RGP1: variants seen among roughly 807,000 people sequenced by gnomAD.
RGP1 encodes the protein RGP1 partner of RAB6A GEF complex, also known as RAB6A-GEF complex partner protein 2.
A neutral mutation model predicts 44.5 loss-of-function variants in RGP1; 28 were observed. That is an observed-to-expected ratio of 0.63 (90% CI 0.47 to 0.86). The LOEUF (loss-of-function observed/expected upper bound fraction) is 0.86. Ranked by LOEUF, RGP1 falls within the 40% of genes least tolerant of loss-of-function variation. The pLI is 0.00. For missense variants in RGP1, 417 were observed against 490.7 expected (o/e 0.85, Z 1.42); for synonymous variants, 212 against 196.7 (o/e 1.08, Z -0.65).
the RGP1 span, among the ~76,000 whole-genome samples, chr9:35,777,133 T>C: frequency 6.4e-4 from 85 of 132,022 alleles, no homozygotes; most frequent in Admixed American, 2.6e-3. Context: ...TTTTCTTTTT[T>C]TTTTTTTTTT....
chr9:35,789,376 G>A, the RGP1 span, among the ~76,000 whole-genome samples: 45 of 147,428 alleles, frequency 3.1e-4, no homozygotes, highest in African/African-American at 1.1e-3. Flanking sequence ...TGTCACCCAG[G>A]CTGCCTCTAT....
Position 35,757,643 on chromosome 9 carries a change from C to CAGTG in RGP1, c.*4769_*4770insAGTG, listed in dbSNP as rs1350173675. ...GGCATCAGGTCTGTCCAGAGGCTGACGTAGACAGTGAAGGGTGAAGGGTAG... is the reference window on the plus strand; with the variant it reads ...GGCATCAGGTCTGTCCAGAGGCTGACAGTGGTAGACAGTGAAGGGTGAAGGGTAG... On this transcript the variant is annotated 3_prime_UTR_variant, in exon 9 of 9. Transcript: ENST00000378078. 1 of 152,236 alleles carries CAGTG rather than the reference C, an allele frequency of 6.6e-6. No individual in the cohort carries two copies. The highest frequency in any genetic ancestry group is 1.5e-5 in the Non-Finnish European group (1 of 68,100). The allele number at this position is 152,236 out of a possible 1,614,324, so 9.4% of individuals were successfully genotyped here.
the RGP1 span, among the ~76,000 whole-genome samples, chr9:35,773,628 A>G: frequency 6.6e-6 from 1 of 151,862 alleles, no homozygotes. Context: ...CAGCCTCCCA[A>G]GTAGCTGTGA....
the RGP1 span, among the ~76,000 whole-genome samples, chr9:35,778,127 C>G: frequency 6.6e-6 from 1 of 152,060 alleles, no homozygotes; most frequent in Non-Finnish European, 1.5e-5. Context: ...TGGAGAAACC[C>G]CGTCTCTACT....
the RGP1 span, among the ~76,000 whole-genome samples, chr9:35,766,998 G>T: frequency 5.3e-5 from 8 of 152,146 alleles, no homozygotes; most frequent in Non-Finnish European, 1.2e-4. Flanking sequence ...GAAAAATGTT[G>T]TTGCCTCTCT....
the RGP1 span, among the ~76,000 whole-genome samples, chr9:35,779,410 G>A: frequency 1.3e-5 from 2 of 152,244 alleles, no homozygotes; most frequent in African/African-American, 4.8e-5. Context: ...TGTTTAGACA[G>A]TGGATTTGTT....
the RGP1 span, among the ~76,000 whole-genome samples, chr9:35,789,883 G>A: frequency 2.6e-5 from 4 of 152,164 alleles, no homozygotes; most frequent in Non-Finnish European, 4.4e-5. Context: ...GGGGAGAGGA[G>A]CAAGTAAGGA....
chr9:35,781,368 G>T, the RGP1 span, among the ~76,000 whole-genome samples: 116 of 138,048 alleles, frequency 8.4e-4, no homozygotes, highest in Non-Finnish European at 1.5e-3. Flanking sequence ...GGGGCATTTT[G>T]GTCCGTGGTG....
In RGP1 at chr9:35,751,912, C is replaced by T. The variant is rs924720144; in HGVS notation, c.763-44C>T. ...TGAGGTTGGGCTGTCCTCTCACCTA[C>T]AGACAGCACTTCCTGTTAGCACACA... On this transcript the variant is annotated intron_variant, in intron 7 of 8. Coordinates refer to ENST00000378078, the MANE Select transcript of RGP1 (RefSeq NM_001080496.3). 5 of 1,556,216 alleles carry T rather than the reference C, an allele frequency of 3.2e-6. No homozygotes were observed. The African/African-American group carries it at 4.1e-5, about 13-fold the overall frequency.
chr9:35,755,157 C>G lies in RGP1; in HGVS notation c.*2283C>G, dbSNP rs1363144572. The stretch of plus-strand genomic sequence containing the variant: ...ATCCTGACTCCACTTAGCTATGTAA[C>G]CTGGTCAGATTACTTCACCTCTCTG... On this transcript the variant is annotated 3_prime_UTR_variant, in exon 9 of 9. Transcript: ENST00000378078. 1 of 152,182 alleles carries G rather than the reference C, an allele frequency of 6.6e-6. No homozygotes were observed. Among genetic ancestry groups the G allele is most frequent in the African/African-American group, 2.4e-5 (1 of 41,422 alleles). The allele number at this position is 152,182 out of a possible 1,614,324, so 9.4% of individuals were successfully genotyped here.
the RGP1 span, among the ~76,000 whole-genome samples, chr9:35,787,225 C>A: frequency 6.6e-6 from 1 of 150,638 alleles, no homozygotes; most frequent in South Asian, 2.1e-4. Context: ...ACAGCAGCGC[C>A]CACCGCTGCC....
In RGP1 at chr9:35,753,364, T is replaced by C; in HGVS notation, c.*490T>C. On this transcript the variant is annotated 3_prime_UTR_variant, in exon 9 of 9. Coordinates refer to ENST00000378078, the MANE Select transcript of RGP1 (RefSeq NM_001080496.3). The surrounding 1 kb of genome is among the most constrained non-coding windows in gnomAD (Gnocchi z 4.2). ...CCCACATGTTCCCTCTCTCACAGTT[T>C]TCCCCCCACAGAGCCCCTTTCAGTG... 6.8e-7 allele frequency: 1 copy of C among 1,477,910 alleles called. No homozygotes were observed. The highest frequency in any genetic ancestry group is 9.2e-7 in the Non-Finnish European group (1 of 1,092,240). The allele number at this position is 1,477,910 out of a possible 1,614,324, so 91.5% of individuals were successfully genotyped here. A position where few individuals can be genotyped will look rare whatever the true frequency, so the allele number is the denominator to read the frequency against.
chr9:35,782,201 A>G, the RGP1 span, among the ~76,000 whole-genome samples: 1 of 151,998 alleles, frequency 6.6e-6, no homozygotes, highest in Admixed American at 6.6e-5. Context: ...ATGTTTTGAA[A>G]TTATGTGTAG....
In RGP1 at chr9:35,754,384, A is replaced by C. The variant is rs1417656505; in HGVS notation, c.*1510A>C. ...CCTGAGGTGAGGGCATGAAAACAAG[A>C]GGTCTAGCTTTAACAAGCTGTGAGA... is the stretch of plus-strand genomic sequence containing the variant. On this transcript the variant is annotated 3_prime_UTR_variant, in exon 9 of 9. Transcript: ENST00000378078. The C allele has an allele frequency of 2.7e-6, 1 of 370,474 alleles. No individual in the cohort carries two copies. Among genetic ancestry groups the C allele is most frequent in the Non-Finnish European group, 4.8e-6 (1 of 206,416 alleles). 22.9% of individuals were successfully genotyped at this position (370,474 alleles called of 1,614,324 possible).
At chr9:35,773,928 C>T in the RGP1 span, among the ~76,000 whole-genome samples, 1 of 152,110 alleles carries the variant, frequency 6.6e-6, no homozygotes, top group Admixed American at 6.5e-5. Context: ...GCCTTGGACT[C>T]CCAGTGTTGG....
At chr9:35,776,698 C>G in the RGP1 span, among the ~76,000 whole-genome samples, 1 of 151,996 alleles carries the variant, frequency 6.6e-6, no homozygotes, top group African/African-American at 2.4e-5. Context: ...AGTGTTTGAT[C>G]AAGATTTGCT....
intron 2 of RGP1, 70 bp from the exon 3 acceptor site, chr9:35,750,173 A>C: frequency 6.4e-7 from 1 of 1,558,752 alleles, no homozygotes; most frequent in South Asian, 1.2e-5. Context: ...AGATGGTGTG[A>C]TAGGGAGCTT....
At chr9:35,784,842 C>T in the RGP1 span, among the ~76,000 whole-genome samples, 1 of 152,162 alleles carries the variant, frequency 6.6e-6, no homozygotes. Context: ...CTCCCAGTCT[C>T]ATCAGATCCT....
Position 35,753,493 on chromosome 9 carries a change from T to C in RGP1, c.*619T>C, listed in dbSNP as rs1827307006. ...AGGTCCACCCCAACCTCCCCTGATT[T>C]ATAGCCTGAAGCCTTATCTTTCACA... On this transcript the variant is annotated 3_prime_UTR_variant, in exon 9 of 9. Transcript: ENST00000378078. This position sits in a 1 kb window ranked among gnomAD's most constrained non-coding sequence, Gnocchi z 4.2. The C allele has an allele frequency of 1.3e-6, 1 of 776,310 alleles. No homozygotes were observed. Among genetic ancestry groups the C allele is most frequent in the Admixed American group, 2.8e-5 (1 of 35,214 alleles). The allele number at this position is 776,310 out of a possible 1,614,324, so 48.1% of individuals were successfully genotyped here.
Sources: gnomAD v4.1 joint callset for allele counts (sites outside exome capture counted in the v4.1 genomes callset) on GRCh38, gnomAD v4.1.1 for gene constraint, Gnocchi (gnomAD v3.1) non-coding constraint, MANE v1.5 for transcripts, NCBI Gene and HGNC (gene_info 2026-07-23, HGNC 2026-07-21) for gene names.